The following CNKSR3 variants were observed in gnomAD, a reference collection of about 807,000 sequenced individuals.
The protein encoded by CNKSR3 is CNKSR family member 3.
In CNKSR3, 36 loss-of-function variants were observed where a neutral mutation model predicts 67.7. That is an observed-to-expected ratio of 0.53 (90% confidence interval 0.41 to 0.70). CNKSR3 has a LOEUF of 0.70. Ranked by LOEUF, CNKSR3 falls within the 30% of genes least tolerant of loss-of-function variation. The pLI, the probability that CNKSR3 is intolerant of heterozygous loss-of-function variation, is 0.00. For missense variants in CNKSR3, 630 were observed against 695.2 expected (o/e 0.91, Z 1.05); for synonymous variants, 281 against 271.4 (o/e 1.04, Z -0.35).
In CNKSR3 at chr6:154,442,554, A is replaced by G. The variant is rs112303728; in HGVS notation, c.217-264T>C. On this transcript the variant is annotated intron_variant, in intron 2 of 12. Coordinates refer to ENST00000607772, the MANE Select transcript of CNKSR3 (RefSeq NM_173515.4). ...GGAGAATGGCGTGAACCCGGGAGGC[A>G]GAGCTTGCAGTGAGCCGAGATGGCG... 2.5e-3 allele frequency among the ~76,000 whole-genome samples: 383 copies of G among 152,264 alleles called. 1 individual carries two copies. The highest frequency in any genetic ancestry group is 6.4e-3 in the African/African-American group (264 of 41,554).
At chr6:154,491,703 T>C (rs1488766756) in intron 1 of CNKSR3, among the ~76,000 whole-genome samples, 1 of 152,188 alleles carries the variant, frequency 6.6e-6, no homozygotes, top group African/African-American at 2.4e-5. Flanking sequence ...AGATAATTTC[T>C]GCTGAATAAC....
intron 10 of CNKSR3, 32 bp downstream of exon 10, chr6:154,414,267 C>G: frequency 6.5e-7 from 1 of 1,544,112 alleles, no homozygotes; most frequent in Non-Finnish European, 8.7e-7. Context: ...CAACAGGAGA[C>G]AAGCATACCA....
At position 154,454,104 on chromosome 6, in the gene CNKSR3, CAGAGAGAGAGAGAGAGAGAGAGAGAG is replaced by C. The variant is rs71021054; in HGVS notation, c.53-3872_53-3847del. 6.0e-5 allele frequency among the ~76,000 whole-genome samples: 7 copies of C among 116,340 alleles called. No homozygotes were observed. In the South Asian group the frequency reaches 9.4e-4, roughly 16 times the overall value. 76.3% of individuals were successfully genotyped at this position (116,340 alleles called of 152,430 possible). On this transcript the variant is annotated intron_variant, in intron 1 of 12. Coordinates refer to ENST00000607772, the MANE Select transcript of CNKSR3 (RefSeq NM_173515.4). ...GAAAACACACACACACACACACACACAGAGAGAGAGAGAGAGAGAGAGAGAGAGAGAGAGAGAGAGATAAGAGCCCG... is the reference window on the plus strand; with the variant it reads ...GAAAACACACACACACACACACACACAGAGAGAGAGAGAGATAAGAGCCCG...
chr6:154,501,306 C>G (rs1420635349), intron 1 of CNKSR3, among the ~76,000 whole-genome samples: 2 of 152,148 alleles, frequency 1.3e-5, no homozygotes, highest in East Asian at 1.9e-4. Flanking sequence ...CATTTCTGCT[C>G]AAAAACCCTG....
chr6:154,471,898 A>G (rs894484817), intron 1 of CNKSR3, among the ~76,000 whole-genome samples: 10 of 152,188 alleles, frequency 6.6e-5, no homozygotes, highest in African/African-American at 1.9e-4. Context: ...TTGATGGACA[A>G]TTCTCTACAT....
At chr6:154,422,823 T>G in intron 8 of CNKSR3, 92 bp downstream of exon 8, 1 of 1,236,380 alleles carries the variant, frequency 8.1e-7, no homozygotes. Flanking sequence ...AAATAGGATA[T>G]AAGCGGCAAA....
Position 154,463,353 on chromosome 6 carries a change from G to A in CNKSR3, c.53-13095C>T, listed in dbSNP as rs541116589. Among the ~76,000 whole-genome samples the A allele has an allele frequency of 5.3e-5, 8 of 152,196 alleles. No homozygotes were observed. In the South Asian group the frequency reaches 8.3e-4, roughly 16 times the overall value. On this transcript the variant is annotated intron_variant, in intron 1 of 12. Transcript: ENST00000607772. Reference sequence around the variant, plus strand: ...CTCCCAAAGTGCTAGGATTACAGGCGTGAGCCACCGCGCCCGGCTTCACCT... The same window carrying A: ...CTCCCAAAGTGCTAGGATTACAGGCATGAGCCACCGCGCCCGGCTTCACCT...
intron 9 of CNKSR3, among the ~76,000 whole-genome samples, chr6:154,421,767 CCTCATGTGGTCT>C (rs1460792876): frequency 1.3e-5 from 2 of 152,168 alleles, no homozygotes; most frequent in Non-Finnish European, 2.9e-5. Context: ...GATGACTCAA[CCTCATGTGGTCT>C]CTCCAGGATT....
At chr6:154,486,421 T>C (rs79646757) in intron 1 of CNKSR3, among the ~76,000 whole-genome samples, 5,921 of 149,264 alleles carry the variant, frequency 0.04, 429 homozygotes, top group African/African-American at 0.14. Context: ...CTCGGCCTCC[T>C]GGGTAGCTGG....
rs1784677626 is a variant in CNKSR3, at chr6:154,397,897, G to T, written c.*8457C>A. 1 of 152,238 alleles carries T rather than the reference G, an allele frequency of 6.6e-6. No individual in the cohort carries two copies. The highest frequency in any genetic ancestry group is 6.5e-5 in the Admixed American group (1 of 15,276). 9.4% of individuals were successfully genotyped at this position (152,238 alleles called of 1,614,324 possible). On this transcript the variant is annotated 3_prime_UTR_variant, in exon 13 of 13. Transcript: ENST00000607772. ...CAGTGGGGGTGTGTGAGATGCACAG[G>T]GCAGACAGTACAGCCTGCAACTGTG...
rs966084609 is a variant in CNKSR3, at chr6:154,403,015, T to C, written c.*3339A>G. On this transcript the variant is annotated 3_prime_UTR_variant, in exon 13 of 13. Transcript: ENST00000607772. The stretch of plus-strand genomic sequence containing the variant: ...GGTATGTTTTAGAGGCTAGTTATAT[T>C]ACCTGCTAGTTTCATTTCAGAATAG... 2 of 152,210 alleles carry C rather than the reference T, an allele frequency of 1.3e-5. No homozygotes were observed. Among genetic ancestry groups the C allele is most frequent in the African/African-American group, 4.8e-5 (2 of 41,450 alleles). The allele number at this position is 152,210 out of a possible 1,614,324, so 9.4% of individuals were successfully genotyped here.
intron 4 of CNKSR3, 54 bp downstream of exon 4, chr6:154,441,238 A>G: frequency 7.9e-7 from 1 of 1,261,068 alleles, no homozygotes; most frequent in Non-Finnish European, 1.1e-6. Flanking sequence ...AAGAAGAGGA[A>G]AAGCAAAAAA....
At position 154,403,529 on chromosome 6, in the gene CNKSR3, G is replaced by A. The variant is rs972824043; in HGVS notation, c.*2825C>T. 2 of 151,932 alleles carry A rather than the reference G, an allele frequency of 1.3e-5. No homozygotes were observed. The highest frequency in any genetic ancestry group is 4.8e-5 in the African/African-American group (2 of 41,360). The allele number at this position is 151,932 out of a possible 1,614,324, so 9.4% of individuals were successfully genotyped here. A position where few individuals can be genotyped will look rare whatever the true frequency, so the allele number is the denominator to read the frequency against. ...TAAACCTGGATTACTACTGAGGCAA[G>A]CAGTTTCCATTAATTTCTAAGAAAT... On this transcript the variant is annotated 3_prime_UTR_variant, in exon 13 of 13. Coordinates refer to ENST00000607772, the MANE Select transcript of CNKSR3 (RefSeq NM_173515.4).
chr6:154,399,943 C>T lies in CNKSR3; in HGVS notation c.*6411G>A, dbSNP rs1172459251. 6.6e-6 allele frequency: 1 copy of T among 152,120 alleles called. No homozygotes were observed. Among genetic ancestry groups the T allele is most frequent in the African/African-American group, 2.4e-5 (1 of 41,410 alleles). 9.4% of individuals were successfully genotyped at this position (152,120 alleles called of 1,614,324 possible). On this transcript the variant is annotated 3_prime_UTR_variant, in exon 13 of 13. Coordinates refer to ENST00000607772, the MANE Select transcript of CNKSR3 (RefSeq NM_173515.4). ...TTTCTCTCATTTTAATCATTTTTCT[C>T]CTGATATTTTCTCTCCTTTTAATCA...
chr6:154,442,307 C>A lies in CNKSR3; in HGVS notation c.217-17G>T. ...GCCATAATTCTGTGGAAAATAAAAT[C>A]AAAGAGAAAAATTCAAAACAATGCA... is the stretch of plus-strand genomic sequence containing the variant. On this transcript the variant is annotated splice_polypyrimidine_tract_variant and intron_variant, in intron 2 of 12. Coordinates refer to ENST00000607772, the MANE Select transcript of CNKSR3 (RefSeq NM_173515.4). 6.2e-7 allele frequency: 1 copy of A among 1,606,860 alleles called. No homozygotes were observed. Among genetic ancestry groups the A allele is most frequent in the South Asian group, 1.1e-5 (1 of 90,912 alleles).
Position 154,502,097 on chromosome 6 carries a change from CAT to C in CNKSR3, c.52+7964_52+7965del, listed in dbSNP as rs375375847. Among the ~76,000 whole-genome samples the C allele has an allele frequency of 5.4e-3, 816 of 152,198 alleles. 8 individuals are homozygous for C. Among genetic ancestry groups the C allele is most frequent in the African/African-American group, 0.019 (783 of 41,534 alleles). The stretch of plus-strand genomic sequence containing the variant: ...ATCATGAATAATAAGTGGGTAAACA[CAT>C]ACGCCATACGTTATGCAAGGGGCTT... On this transcript the variant is annotated intron_variant, in intron 1 of 12. Transcript: ENST00000607772.
chr6:154,441,211 T>C (rs1158832461), intron 4 of CNKSR3, 81 bp downstream of exon 4: 1 of 1,004,862 alleles, frequency 1.0e-6, no homozygotes. Flanking sequence ...ACTTCATACC[T>C]GCATGAAAAT....
At chr6:154,485,958 G>A (rs903619457) in intron 1 of CNKSR3, among the ~76,000 whole-genome samples, 2 of 152,146 alleles carry the variant, frequency 1.3e-5, no homozygotes, top group African/African-American at 4.8e-5. Flanking sequence ...GTTCTGCCAG[G>A]ACAATAACTC....
Position 154,403,313 on chromosome 6 carries a change from CAGG to C in CNKSR3, c.*3038_*3040del, listed in dbSNP as rs2128709549. The stretch of plus-strand genomic sequence containing the variant: ...ATCCCAGCTACTTGGGAGGCTGAGG[CAGG>C]AGAATTGCCTGAACCTGGGAGGCAG... On this transcript the variant is annotated 3_prime_UTR_variant, in exon 13 of 13. Coordinates refer to ENST00000607772, the MANE Select transcript of CNKSR3 (RefSeq NM_173515.4). 6.6e-6 allele frequency: 1 copy of C among 151,610 alleles called. No homozygotes were observed. Among genetic ancestry groups the C allele is most frequent in the South Asian group, 2.1e-4 (1 of 4,816 alleles). 9.4% of individuals were successfully genotyped at this position (151,610 alleles called of 1,614,324 possible).
Sources: allele counts gnomAD v4.1 joint callset (sites outside exome capture counted in the v4.1 genomes callset), GRCh38; gene constraint gnomAD v4.1.1; transcripts MANE v1.5; gene names NCBI Gene and HGNC (gene_info 2026-07-23, HGNC 2026-07-21).